Variants in CNTNAP5 observed in about 807,000 individuals in gnomAD.
CNTNAP5 encodes contactin associated protein family member 5, also known as contactin-associated protein-like 5.
A neutral mutation model predicts 150.2 loss-of-function variants in CNTNAP5; 72 were observed. The ratio of observed to expected loss-of-function variants is 0.48; its 90% CI spans 0.40 to 0.58. CNTNAP5 has a LOEUF of 0.58. CNTNAP5 is among the 20% of genes least tolerant of loss of function. The pLI, the probability that CNTNAP5 is intolerant of heterozygous loss-of-function variation, is 0.00. For missense variants in CNTNAP5, 1,636 were observed against 1,626.2 expected, an observed-to-expected ratio of 1.01 and a Z score of -0.10; for synonymous variants, 672 against 619.8, an observed-to-expected ratio of 1.08 and a Z score of -1.25.
At chr2:124,337,362 A>G (rs1231636547) in intron 3 of CNTNAP5, among the ~76,000 whole-genome samples, 1 of 152,116 alleles carries the variant, frequency 6.6e-6, no homozygotes, top group African/African-American at 2.4e-5. Flanking sequence ...TGCTGCGCAG[A>G]AGCTCTTTAG....
intron 5 of CNTNAP5, among the ~76,000 whole-genome samples, chr2:124,444,510 G>A (rs1258827070): frequency 3.9e-5 from 6 of 152,026 alleles, no homozygotes; most frequent in Non-Finnish European, 8.8e-5. Context: ...CAGGAGAATC[G>A]CTTGAACCCA....
At chr2:124,101,508 C>A (rs1683061496) in intron 1 of CNTNAP5, among the ~76,000 whole-genome samples, 1 of 152,128 alleles carries the variant, frequency 6.6e-6, no homozygotes, top group Non-Finnish European at 1.5e-5. Flanking sequence ...TGCAACCAGA[C>A]AAGGCAGGCA....
chr2:124,609,826 G>A lies in CNTNAP5; in HGVS notation c.1782G>A (p.Val594=). 1 of 1,614,018 alleles carries A rather than the reference G, an allele frequency of 6.2e-7. No homozygotes were observed. Among genetic ancestry groups the A allele is most frequent in the Non-Finnish European group, 8.5e-7 (1 of 1,179,888 alleles). Residue 594 remains valine (V), a synonymous_variant, in exon 12 of 24, where the codon GTG becomes GTA. Coordinates refer to ENST00000682447, the MANE Select transcript of CNTNAP5 (RefSeq NM_001367498.1). ...HNSIYEQSCE[V]YRHQGNTAGF... is the part of the protein sequence containing the mutation. ...CCATCTACGAGCAATCCTGCGAGGTGTACAGGCACCAGGGGAATACAGCCG... is the reference window on the plus strand; with the variant it reads ...CCATCTACGAGCAATCCTGCGAGGTATACAGGCACCAGGGGAATACAGCCG...
At chr2:124,189,250 TAAAC>T (rs1411579403) in intron 1 of CNTNAP5, among the ~76,000 whole-genome samples, 1 of 152,178 alleles carries the variant, frequency 6.6e-6, no homozygotes, top group African/African-American at 2.4e-5. Flanking sequence ...CAAAGGGAGA[TAAAC>T]AAAGTAAATC....
At chr2:124,354,989 T>C (rs961512522) in intron 3 of CNTNAP5, among the ~76,000 whole-genome samples, 1 of 151,912 alleles carries the variant, frequency 6.6e-6, no homozygotes, top group Non-Finnish European at 1.5e-5. Flanking sequence ...TCTGTAGAAA[T>C]AGCTATTCTT....
intron 1 of CNTNAP5, among the ~76,000 whole-genome samples, chr2:124,132,240 A>G (rs953520569): frequency 6.6e-6 from 1 of 152,144 alleles, no homozygotes; most frequent in African/African-American, 2.4e-5. Context: ...TTTGCTGAGT[A>G]TAAGAATACA....
intron 3 of CNTNAP5, among the ~76,000 whole-genome samples, chr2:124,335,592 T>C (rs1371755010): frequency 6.7e-6 from 1 of 149,830 alleles, no homozygotes; most frequent in African/African-American, 2.5e-5. Context: ...TCATACTAGA[T>C]ATAAACCAGA....
At chr2:124,274,793 G>A (rs1687847103) in intron 3 of CNTNAP5, among the ~76,000 whole-genome samples, 1 of 152,140 alleles carries the variant, frequency 6.6e-6, no homozygotes, top group South Asian at 2.1e-4. Context: ...CTGGTTTGGG[G>A]TTCTTATCTC....
At chr2:124,601,708 C>T (rs894497815) in intron 11 of CNTNAP5, among the ~76,000 whole-genome samples, 1 of 152,110 alleles carries the variant, frequency 6.6e-6, no homozygotes, top group African/African-American at 2.4e-5. Context: ...AACCAATCTT[C>T]TATAATTTTA....
chr2:124,451,813 G>T (rs149505866), intron 6 of CNTNAP5, among the ~76,000 whole-genome samples: 27 of 152,188 alleles, frequency 1.8e-4, no homozygotes, highest in African/African-American at 6.0e-4. Context: ...TCTAGATTAC[G>T]GGAGAAGATT....
At position 124,130,309 on chromosome 2, in the gene CNTNAP5, T is replaced by C. The variant is rs533764590; in HGVS notation, c.83-91396T>C. 2.9e-4 allele frequency among the ~76,000 whole-genome samples: 44 copies of C among 152,172 alleles called. 1 individual carries two copies. Among genetic ancestry groups the C allele is most frequent in the South Asian group, 8.3e-4 (4 of 4,798 alleles). ...GGAATCACAGACTCCTATATCTTGG[T>C]GGTCAGGATCCTTCCCAAACACAGT... On this transcript the variant is annotated intron_variant, in intron 1 of 23. Coordinates refer to ENST00000682447, the MANE Select transcript of CNTNAP5 (RefSeq NM_001367498.1).
chr2:124,572,973 T>C (rs1214233872), intron 11 of CNTNAP5, among the ~76,000 whole-genome samples: 1 of 152,208 alleles, frequency 6.6e-6, no homozygotes, highest in Admixed American at 6.5e-5. Context: ...AACTGCCACT[T>C]TTCTATGCAT....
At chr2:124,263,907 C>A (rs557731629) in intron 3 of CNTNAP5, among the ~76,000 whole-genome samples, 3 of 152,116 alleles carry the variant, frequency 2.0e-5, no homozygotes, top group African/African-American at 7.2e-5. Context: ...AATAGGGAAT[C>A]CTTTCCCCAT....
At chr2:124,708,831 G>A (rs2105100998) in intron 13 of CNTNAP5, among the ~76,000 whole-genome samples, 1 of 152,252 alleles carries the variant, frequency 6.6e-6, no homozygotes, top group Admixed American at 6.5e-5. Context: ...TGATAACTGT[G>A]GTGAATCAGC....
intron 1 of CNTNAP5, among the ~76,000 whole-genome samples, chr2:124,046,536 G>A (rs1449619231): frequency 1.3e-5 from 2 of 151,774 alleles, no homozygotes; most frequent in Non-Finnish European, 2.9e-5. Context: ...AACCACTGAA[G>A]CTTAATCATT....
rs138583735 is a variant in CNTNAP5, at chr2:124,916,171, C to T, written c.*1883C>T. Among the ~76,000 whole-genome samples the T allele has an allele frequency of 1.7e-3, 258 of 152,046 alleles. 1 individual carries two copies. The highest frequency in any genetic ancestry group is 2.7e-3 in the Non-Finnish European group (182 of 67,968). ...TTGTTTCAAATGCATATTCTCTCCT[C>T]GAAATTTTCTGTGGATTTGAGCTCA... On this transcript the variant is annotated 3_prime_UTR_variant, in exon 24 of 24. Transcript: ENST00000682447.
intron 11 of CNTNAP5, among the ~76,000 whole-genome samples, chr2:124,608,045 G>C (rs76618932): frequency 6.6e-6 from 1 of 152,098 alleles, no homozygotes; most frequent in Admixed American, 6.5e-5. Context: ...ACCCTCTCAG[G>C]CTTCATAACT....
At chr2:124,382,834 T>A (rs999739650) in intron 3 of CNTNAP5, among the ~76,000 whole-genome samples, 1 of 152,186 alleles carries the variant, frequency 6.6e-6, no homozygotes, top group African/African-American at 2.4e-5. Flanking sequence ...GATTCCTATA[T>A]CTGAAGTTTG....
At chr2:124,552,220 G>A (rs1278517921) in intron 10 of CNTNAP5, among the ~76,000 whole-genome samples, 1 of 152,094 alleles carries the variant, frequency 6.6e-6, no homozygotes, top group Non-Finnish European at 1.5e-5. Context: ...GGAAGTAGAG[G>A]GCAGTCGGCT....
Sources: gnomAD v4.1 joint callset for allele counts (sites outside exome capture counted in the v4.1 genomes callset) on GRCh38, gnomAD v4.1.1 for gene constraint, MANE v1.5 for transcripts, NCBI Gene and HGNC (gene_info 2026-07-23, HGNC 2026-07-21) for gene names.